UGT2B7: variants seen among roughly 807,000 people sequenced by gnomAD.
UGT2B7 encodes UDP-glucuronosyltransferase 2B7.
In UGT2B7, 51 loss-of-function variants were observed where a neutral mutation model predicts 51.9. The observed-to-expected ratio is 0.98, with a 90% CI of 0.78 to 1.24. The LOEUF (loss-of-function observed/expected upper bound fraction) is 1.24, where lower values mean the gene tolerates loss of function less well. Ranked by LOEUF, UGT2B7 falls within the 50% of genes most tolerant of loss-of-function variation. UGT2B7 has a pLI of 0.00. For synonymous variants in UGT2B7, 225 were observed against 211.6 expected, an observed-to-expected ratio of 1.06 and a Z score of -0.55; for missense variants, 727 against 628.4, an observed-to-expected ratio of 1.16 and a Z score of -1.68.
At chr4:69,094,765 A>G (rs1719176427), upstream of UGT2B7, among the ~76,000 whole-genome samples, 1 of 152,366 alleles carries the variant, frequency 6.6e-6, no homozygotes, top group Admixed American at 6.5e-5. Context: ...TTTAGCATGC[A>G]ATGCTGTCAG....
intron 1 of UGT2B7, among the ~76,000 whole-genome samples, chr4:69,085,226 CGAGCTTTTT>C (rs765605741): frequency 3.3e-5 from 5 of 151,946 alleles, no homozygotes; most frequent in Non-Finnish European, 7.4e-5. Context: ...ATAATGATGA[CGAGCTTTTT>C]TTCATGTTTG....
At chr4:69,095,978 G>T (rs1019269358), upstream of UGT2B7, among the ~76,000 whole-genome samples, 3 of 152,048 alleles carry the variant, frequency 2.0e-5, no homozygotes, top group African/African-American at 4.8e-5. Context: ...AAAGGCTAAG[G>T]ACTATAGGGC....
intron 1 of UGT2B7, among the ~76,000 whole-genome samples, chr4:69,080,988 G>A (rs1482339143): frequency 1.3e-5 from 2 of 152,036 alleles, no homozygotes; most frequent in Non-Finnish European, 2.9e-5. Flanking sequence ...TGAGTAGATA[G>A]ATAAATTATT....
intron 1 of UGT2B7, among the ~76,000 whole-genome samples, chr4:69,088,885 C>T (rs1266146694): frequency 6.6e-6 from 1 of 152,094 alleles, no homozygotes; most frequent in Non-Finnish European, 1.5e-5. Flanking sequence ...CAAATTTCCT[C>T]CTCTGATCTT....
rs542789323 is a variant in UGT2B7, at chr4:69,112,321, G to A, written c.1311-136G>A. ...AAAAGGGACAGGAATTGCTCACTCA[G>A]GGAGTTCAGCTCTTGAGAGAGGAGT... is the stretch of plus-strand genomic sequence containing the variant. On this transcript the variant is annotated intron_variant, in intron 5 of 5. Coordinates refer to ENST00000305231, the MANE Select transcript of UGT2B7 (RefSeq NM_001074.4). 2.0e-4 allele frequency: 248 copies of A among 1,253,224 alleles called. 3 individuals are homozygous for A. The highest frequency in any genetic ancestry group is 1.7e-3 in the Middle Eastern group (6 of 3,506). 77.6% of individuals were successfully genotyped at this position (1,253,224 alleles called of 1,614,324 possible).
At chr4:69,063,536 C>T (rs1560499474) in intron 1 of UGT2B7, among the ~76,000 whole-genome samples, 1 of 152,012 alleles carries the variant, frequency 6.6e-6, no homozygotes, top group Non-Finnish European at 1.5e-5. Context: ...TAAGGATCAC[C>T]ATCTATTAGA....
chr4:69,062,319 G>A (rs946511262), intron 1 of UGT2B7, among the ~76,000 whole-genome samples: 4 of 152,204 alleles, frequency 2.6e-5, no homozygotes, highest in Middle Eastern at 3.4e-3. Flanking sequence ...GGTAATCTCC[G>A]TGAGCTACAA....
intron 1 of UGT2B7, among the ~76,000 whole-genome samples, chr4:69,088,375 G>A (rs1719008017): frequency 6.6e-6 from 1 of 150,994 alleles, no homozygotes; most frequent in Admixed American, 6.6e-5. Context: ...ATTCATATGT[G>A]CTGTGATTTC....
intron 4 of UGT2B7, among the ~76,000 whole-genome samples, chr4:69,107,542 T>A (rs1450152840): frequency 6.6e-6 from 1 of 152,096 alleles, no homozygotes; most frequent in African/African-American, 2.4e-5. Flanking sequence ...TGTCTCTCTG[T>A]CTCCTATTTC....
upstream of UGT2B7, among the ~76,000 whole-genome samples, chr4:69,093,321 G>C (rs1485795246): frequency 2.6e-5 from 4 of 152,220 alleles, no homozygotes; most frequent in Non-Finnish European, 5.9e-5. Context: ...TGCCAGAACA[G>C]CTAAGTTGCA....
At chr4:69,101,538 A>G (rs1450449007) in intron 2 of UGT2B7, among the ~76,000 whole-genome samples, 2 of 152,132 alleles carry the variant, frequency 1.3e-5, no homozygotes, top group African/African-American at 2.4e-5. Context: ...CACCAGTTAC[A>G]TTAAATATGG....
chr4:69,052,902 A>G (rs1467834053), intron 1 of UGT2B7, among the ~76,000 whole-genome samples: 1 of 152,190 alleles, frequency 6.6e-6, no homozygotes, highest in East Asian at 1.9e-4. Flanking sequence ...TACCTACATT[A>G]AAAGGTTAAA....
upstream of UGT2B7, among the ~76,000 whole-genome samples, chr4:69,094,717 T>G (rs890994201): frequency 1.3e-5 from 2 of 152,224 alleles, no homozygotes; most frequent in African/African-American, 4.8e-5. Context: ...CAATGGCATT[T>G]GCCACATACA....
chr4:69,068,537 G>A (rs779243953), intron 1 of UGT2B7, among the ~76,000 whole-genome samples: 4 of 151,842 alleles, frequency 2.6e-5, no homozygotes, highest in Admixed American at 6.6e-5. Flanking sequence ...ATTAGTAATA[G>A]CAATAATTTT....
intron 2 of UGT2B7, among the ~76,000 whole-genome samples, chr4:69,101,037 A>T (rs1274993865): frequency 6.6e-6 from 1 of 152,126 alleles, no homozygotes; most frequent in Non-Finnish European, 1.5e-5. Context: ...GTAATCCAAC[A>T]TCTTAAATGA....
At chr4:69,090,215 T>C (rs567432700) in intron 2 of UGT2B7, among the ~76,000 whole-genome samples, 2 of 152,300 alleles carry the variant, frequency 1.3e-5, no homozygotes, top group East Asian at 1.9e-4. Context: ...GTACTATTTA[T>C]GCACTATCCA....
chr4:69,108,379 T>C, intron 5 of UGT2B7, 57 bp downstream of exon 5: 4 of 1,581,112 alleles, frequency 2.5e-6, no homozygotes, highest in Non-Finnish European at 3.5e-6. Context: ...CTCTTGTCAA[T>C]AGTGAGTGTG....
intron 1 of UGT2B7, among the ~76,000 whole-genome samples, chr4:69,052,916 A>G (rs547196441): frequency 1.2e-3 from 186 of 152,310 alleles, no homozygotes; most frequent in Non-Finnish European, 2.1e-3. Flanking sequence ...GGTTAAAAAA[A>G]TTATTGTTTT....
At chr4:69,094,885 C>T (rs1299042290), upstream of UGT2B7, among the ~76,000 whole-genome samples, 2 of 152,212 alleles carry the variant, frequency 1.3e-5, no homozygotes, top group Non-Finnish European at 2.9e-5. Context: ...CTCCTGTTGT[C>T]ATTCAACAAT....
Sources: allele counts gnomAD v4.1 joint callset (sites outside exome capture counted in the v4.1 genomes callset), GRCh38; gene constraint gnomAD v4.1.1; transcripts MANE v1.5; gene names NCBI Gene and HGNC (gene_info 2026-07-23, HGNC 2026-07-21).